The following SMIM31 variants were observed in gnomAD, a reference collection of about 807,000 sequenced individuals.
The protein encoded by SMIM31 is small integral membrane protein 31, also known as human epithelial cell program regulator.
At chr4:164,790,961 A>C (rs1158333700) in intron 2 of SMIM31, among the ~76,000 whole-genome samples, 1 of 152,236 alleles carries the variant, frequency 6.6e-6, no homozygotes, top group South Asian at 2.1e-4. Context: ...AATTATTTGC[A>C]GATCTGTGGA....
intron 1 of SMIM31, among the ~76,000 whole-genome samples, chr4:164,760,151 T>C (rs1732626571): frequency 6.6e-6 from 1 of 152,040 alleles, no homozygotes; most frequent in African/African-American, 2.4e-5. Flanking sequence ...GGAGAGAAAG[T>C]CAGAGACAAA....
At chr4:164,796,800 C>T (rs1488342551) in intron 2 of SMIM31, among the ~76,000 whole-genome samples, 9 of 152,192 alleles carry the variant, frequency 5.9e-5, no homozygotes, top group Admixed American at 5.9e-4. Context: ...CACCCTGATC[C>T]AAGCCACCAT....
At chr4:164,789,426 C>G (rs559572281) in intron 2 of SMIM31, among the ~76,000 whole-genome samples, 2 of 152,300 alleles carry the variant, frequency 1.3e-5, no homozygotes, top group African/African-American at 4.8e-5. Context: ...GAATCTTGTA[C>G]TTACATAAAA....
intron 1 of SMIM31, among the ~76,000 whole-genome samples, chr4:164,761,119 G>GA (rs1732643731): frequency 6.6e-6 from 1 of 152,070 alleles, no homozygotes; most frequent in South Asian, 2.1e-4. Context: ...TTCCCATTTT[G>GA]AAACCAACCA....
At chr4:164,768,965 C>T (rs1732757856) in intron 1 of SMIM31, among the ~76,000 whole-genome samples, 1 of 152,180 alleles carries the variant, frequency 6.6e-6, no homozygotes, top group Non-Finnish European at 1.5e-5. Context: ...TCTCTACCAC[C>T]GATTTCACAC....
chr4:164,761,901 C>T (rs1201265320), intron 1 of SMIM31, among the ~76,000 whole-genome samples: 1 of 151,360 alleles, frequency 6.6e-6, no homozygotes, highest in Non-Finnish European at 1.5e-5. Context: ...CTAGCCTGGG[C>T]GACAGAGCAA....
chr4:164,772,847 G>T (rs1173080637), intron 2 of SMIM31, among the ~76,000 whole-genome samples: 1 of 151,448 alleles, frequency 6.6e-6, no homozygotes, highest in Non-Finnish European at 1.5e-5. Context: ...CAAAGTGCTG[G>T]GATTACAGGC....
intron 2 of SMIM31, among the ~76,000 whole-genome samples, chr4:164,782,523 C>T (rs983696179): frequency 2.0e-5 from 3 of 149,636 alleles, no homozygotes; most frequent in South Asian, 2.1e-4. Flanking sequence ...GGACTACAGG[C>T]GCCCCCCACC....
intron 1 of SMIM31, among the ~76,000 whole-genome samples, chr4:164,763,116 G>T (rs1349210059): frequency 1.3e-5 from 2 of 152,170 alleles, no homozygotes; most frequent in Non-Finnish European, 2.9e-5. Flanking sequence ...AAGGGGAAAA[G>T]AACTTTAGTA....
intron 2 of SMIM31, among the ~76,000 whole-genome samples, chr4:164,775,258 A>T (rs1411424709): frequency 6.6e-6 from 1 of 151,904 alleles, no homozygotes; most frequent in Non-Finnish European, 1.5e-5. Context: ...ACCCATGAAG[A>T]CTCCCTTGTT....
At chr4:164,800,494 C>T (rs370482779) in intron 2 of SMIM31, among the ~76,000 whole-genome samples, 6 of 152,306 alleles carry the variant, frequency 3.9e-5, no homozygotes, top group South Asian at 2.1e-4. Flanking sequence ...AGGCATGATC[C>T]ATTGCACCTG....
At position 164,803,671 on chromosome 4, in the gene SMIM31, T is replaced by G. The variant is rs1241885339; in HGVS notation, c.*2477T>G. 6.6e-6 allele frequency: 1 copy of G among 152,030 alleles called. No individual in the cohort carries two copies. The highest frequency in any genetic ancestry group is 1.5e-5 in the Non-Finnish European group (1 of 68,062). The allele number at this position is 152,030 out of a possible 1,614,324, so 9.4% of individuals were successfully genotyped here. A position where few individuals can be genotyped will look rare whatever the true frequency, so the allele number is the denominator to read the frequency against. ...TTAGCCAGGCGTGGTGGTCCATGCC[T>G]GTAATCCTAGCTACTCAGGAGGCTG... On this transcript the variant is annotated 3_prime_UTR_variant, in exon 3 of 3. Coordinates refer to ENST00000507311, the MANE Select transcript of SMIM31 (RefSeq NM_001352885.1).
intron 1 of SMIM31, among the ~76,000 whole-genome samples, chr4:164,765,626 A>G (rs902477202): frequency 7.9e-6 from 1 of 125,978 alleles, no homozygotes; most frequent in Non-Finnish European, 1.6e-5. Context: ...TTGTCTCAGA[A>G]AAAAAAAAAA....
chr4:164,764,902 G>A (rs1732700367), intron 1 of SMIM31, among the ~76,000 whole-genome samples: 1 of 152,156 alleles, frequency 6.6e-6, no homozygotes, highest in Admixed American at 6.5e-5. Context: ...AGCTGATATA[G>A]AGTTTTCTAA....
At chr4:164,765,974 A>G (rs893075821) in intron 1 of SMIM31, among the ~76,000 whole-genome samples, 10 of 152,328 alleles carry the variant, frequency 6.6e-5, no homozygotes, top group African/African-American at 2.2e-4. Context: ...CTCAATAAGA[A>G]GAGCATGTTC....
chr4:164,798,692 G>A (rs1390456761), intron 2 of SMIM31, among the ~76,000 whole-genome samples: 1 of 152,164 alleles, frequency 6.6e-6, no homozygotes, highest in Admixed American at 6.5e-5. Context: ...GGAGAACCAG[G>A]AGAGTCAGTG....
At chr4:164,800,215 CT>C in intron 2 of SMIM31, among the ~76,000 whole-genome samples, 1 of 151,666 alleles carries the variant, frequency 6.6e-6, no homozygotes, top group South Asian at 2.1e-4. Flanking sequence ...TTATGTTTTT[CT>C]TTTTCTTTTT....
At chr4:164,760,244 T>C (rs114543375) in intron 1 of SMIM31, among the ~76,000 whole-genome samples, 1,892 of 152,262 alleles carry the variant, frequency 0.012, 37 homozygotes, top group African/African-American at 0.043. Context: ...GGAGCCATAA[T>C]AGAGTGTTGA....
chr4:164,756,196 A>G (rs956379681), intron 1 of SMIM31, among the ~76,000 whole-genome samples: 2 of 152,172 alleles, frequency 1.3e-5, no homozygotes, highest in Admixed American at 6.5e-5. Flanking sequence ...TGTAATCCAA[A>G]CCCCCGTCAA....
Sources: allele counts gnomAD v4.1 joint callset (sites outside exome capture counted in the v4.1 genomes callset), GRCh38; gene constraint gnomAD v4.1.1; transcripts MANE v1.5; gene names NCBI Gene and HGNC (gene_info 2026-07-23, HGNC 2026-07-21).